The following CACNB2 variants were observed in gnomAD, a reference collection of about 807,000 sequenced individuals.
CACNB2 encodes the protein calcium voltage-gated channel auxiliary subunit beta 2.
A neutral mutation model predicts 73.3 loss-of-function variants in CACNB2; 42 were observed. The ratio of observed to expected loss-of-function variants is 0.57; its 90% CI spans 0.45 to 0.74. CACNB2 has a LOEUF of 0.74. CACNB2 is among the 30% of genes least tolerant of loss of function. The probability of loss-of-function intolerance (pLI) is 0.00; values close to 1 mark genes in which losing one functional copy is unlikely to be tolerated. For synonymous variants in CACNB2, 348 were observed against 310.3 expected (o/e 1.12, Z -1.28); for missense variants, 940 against 853.0 (o/e 1.10, Z -1.27).
At chr10:18,317,469 C>T (rs529912282) in intron 2 of CACNB2, among the ~76,000 whole-genome samples, 14 of 152,098 alleles carry the variant, frequency 9.2e-5, no homozygotes, top group Admixed American at 5.2e-4. Flanking sequence ...AGCTCCCACT[C>T]GTGAGAACAT....
At position 18,222,407 on chromosome 10, in the gene CACNB2, T is replaced by TACACACACACACAC. The variant is rs59165053; in HGVS notation, c.213+71442_213+71455dup. Among the ~76,000 whole-genome samples the TACACACACACACAC allele has an allele frequency of 1.4e-3, 209 of 149,904 alleles. 1 individual carries two copies. The highest frequency in any genetic ancestry group is 2.5e-3 in the South Asian group (12 of 4,728). On this transcript the variant is annotated intron_variant, in intron 2 of 13. Transcript: ENST00000324631. ...ACAAATGATTGAAAACACACACACA[T>TACACACACACACAC]ACACACACACACACACACACACAAA...
At chr10:18,514,739 C>T (rs564796358) in intron 7 of CACNB2, among the ~76,000 whole-genome samples, 3 of 152,340 alleles carry the variant, frequency 2.0e-5, no homozygotes, top group Admixed American at 2.0e-4. Context: ...GGAATAATAT[C>T]TACCACCAAG....
At chr10:18,358,425 T>C (rs2042006782) in intron 2 of CACNB2, among the ~76,000 whole-genome samples, 1 of 151,968 alleles carries the variant, frequency 6.6e-6, no homozygotes, top group Non-Finnish European at 1.5e-5. Context: ...GAGCAACTAG[T>C]ATATGCTACC....
At chr10:18,333,489 G>T (rs375807951) in intron 2 of CACNB2, among the ~76,000 whole-genome samples, 1 of 149,832 alleles carries the variant, frequency 6.7e-6, no homozygotes, top group South Asian at 2.1e-4. Flanking sequence ...TATGTTGAAA[G>T]AAAATTCTAT....
intron 2 of CACNB2, among the ~76,000 whole-genome samples, chr10:18,203,703 T>A (rs2034979975): frequency 6.6e-6 from 1 of 152,176 alleles, no homozygotes; most frequent in East Asian, 1.9e-4. Context: ...TATATGGTAA[T>A]GAAGAATGAA....
intron 3 of CACNB2, among the ~76,000 whole-genome samples, chr10:18,455,586 A>C (rs1018008737): frequency 1.3e-5 from 2 of 152,172 alleles, no homozygotes; most frequent in African/African-American, 4.8e-5. Flanking sequence ...AATGCTGGTG[A>C]AGGAGTTTTT....
intron 2 of CACNB2, among the ~76,000 whole-genome samples, chr10:18,230,544 A>G (rs1260340562): frequency 6.6e-6 from 1 of 152,246 alleles, no homozygotes; most frequent in East Asian, 1.9e-4. Flanking sequence ...AAAAACCTCA[A>G]GATATGTGGT....
chr10:18,146,070 T>C (rs969982344), intron 1 of CACNB2, among the ~76,000 whole-genome samples: 3 of 152,172 alleles, frequency 2.0e-5, no homozygotes, highest in African/African-American at 4.8e-5. Flanking sequence ...AGCCATATTA[T>C]AAAAGGCAAC....
intron 2 of CACNB2, among the ~76,000 whole-genome samples, chr10:18,388,052 T>G (rs2043308570): frequency 6.6e-6 from 1 of 152,192 alleles, no homozygotes; most frequent in South Asian, 2.1e-4. Context: ...CCACTGCACC[T>G]GGCCCAAGCC....
At chr10:18,171,587 TAAAA>T (rs974444420) in intron 2 of CACNB2, among the ~76,000 whole-genome samples, 1 of 104,428 alleles carries the variant, frequency 9.6e-6, no homozygotes, top group Admixed American at 9.6e-5. Context: ...AATTCCAGTT[TAAAA>T]AAAAAAAAAA....
chr10:18,304,930 A>G (rs1036451410), intron 2 of CACNB2, among the ~76,000 whole-genome samples: 2 of 152,232 alleles, frequency 1.3e-5, no homozygotes, highest in Admixed American at 6.5e-5. Flanking sequence ...TGTGTGCATT[A>G]TTCTTGGAAT....
At chr10:18,198,831 G>A (rs553533560) in intron 2 of CACNB2, among the ~76,000 whole-genome samples, 3 of 152,212 alleles carry the variant, frequency 2.0e-5, no homozygotes, top group Non-Finnish European at 2.9e-5. Flanking sequence ...TCTCCCTGAC[G>A]CATTGCATGA....
chr10:18,149,336 A>C (rs1336673454), intron 1 of CACNB2, among the ~76,000 whole-genome samples: 1 of 152,238 alleles, frequency 6.6e-6, no homozygotes, highest in Non-Finnish European at 1.5e-5. Flanking sequence ...TAATGTTTAC[A>C]CAAGTAAAAA....
intron 2 of CACNB2, among the ~76,000 whole-genome samples, chr10:18,316,756 C>G (rs1045522656): frequency 2.0e-4 from 30 of 152,266 alleles, no homozygotes; most frequent in African/African-American, 7.2e-4. Context: ...GCCACCAGAC[C>G]TGGTCCCTAG....
At chr10:18,358,316 G>T (rs1466435770) in intron 2 of CACNB2, among the ~76,000 whole-genome samples, 5 of 152,126 alleles carry the variant, frequency 3.3e-5, no homozygotes, top group Non-Finnish European at 7.3e-5. Flanking sequence ...TCAAACTCCT[G>T]GCCTCAAGTG....
At chr10:18,265,008 C>T (rs1257378524) in intron 2 of CACNB2, among the ~76,000 whole-genome samples, 3 of 152,142 alleles carry the variant, frequency 2.0e-5, no homozygotes, top group Non-Finnish European at 4.4e-5. Flanking sequence ...TGCCTCCCCC[C>T]TACACCTAGT....
chr10:18,272,607 G>A (rs1228369254), intron 2 of CACNB2, among the ~76,000 whole-genome samples: 1 of 152,058 alleles, frequency 6.6e-6, no homozygotes, highest in African/African-American at 2.4e-5. Flanking sequence ...ATTGAATCAT[G>A]GGGGCAGATT....
chr10:18,535,337 G>A (rs1043981006), intron 11 of CACNB2, among the ~76,000 whole-genome samples: 1 of 152,106 alleles, frequency 6.6e-6, no homozygotes, highest in Non-Finnish European at 1.5e-5. Context: ...TCTGTAGGAG[G>A]TTGGATTTTC....
chr10:18,321,663 T>C (rs1028595981), intron 2 of CACNB2, among the ~76,000 whole-genome samples: 4 of 152,184 alleles, frequency 2.6e-5, no homozygotes, highest in Non-Finnish European at 5.9e-5. Flanking sequence ...TAAATACACA[T>C]ACTGTGTACT....
Sources: gnomAD v4.1 joint callset for allele counts (sites outside exome capture counted in the v4.1 genomes callset) on GRCh38, gnomAD v4.1.1 for gene constraint, MANE v1.5 for transcripts, NCBI Gene and HGNC (gene_info 2026-07-23, HGNC 2026-07-21) for gene names.